The following P3H2 variants were observed in gnomAD, a reference collection of about 807,000 sequenced individuals.
P3H2 encodes the protein prolyl 3-hydroxylase 2.
P3H2 carries 80 observed loss-of-function variants against 87.0 expected under a neutral mutation model. The observed-to-expected ratio is 0.92, with a 90% CI of 0.77 to 1.11. The LOEUF (loss-of-function observed/expected upper bound fraction) is 1.11, where lower values mean the gene tolerates loss of function less well. Ranked by LOEUF, P3H2 falls within the 50% of genes least tolerant of loss-of-function variation. The pLI, the probability that P3H2 is intolerant of heterozygous loss-of-function variation, is 0.00. For synonymous variants in P3H2, 367 were observed against 359.3 expected (o/e 1.02, Z -0.24); for missense variants, 1,001 against 923.9 (o/e 1.08, Z -1.08).
chr3:189,972,799 T>G, intron 11 of P3H2, 75 bp downstream of exon 11: 240 of 1,485,374 alleles, frequency 1.6e-4, no homozygotes, highest in Non-Finnish European at 2.1e-4. Context: ...ACCATGCTGT[T>G]GAGCTTTGTT....
chr3:190,055,427 C>T (rs754701953), intron 1 of P3H2, among the ~76,000 whole-genome samples: 4 of 151,604 alleles, frequency 2.6e-5, no homozygotes, highest in East Asian at 3.9e-4. Flanking sequence ...AAAAGAATCA[C>T]CATAACAAAA....
rs187329569 is a variant in P3H2, at chr3:190,013,532, G to A, written c.481-18090C>T. On this transcript the variant is annotated intron_variant, in intron 1 of 14. Transcript: ENST00000319332. ...GATGGATACATCTGTGGAAGGACAA[G>A]TGGATGTGTCTTCCTGCCACATAGG... 2.7e-3 allele frequency among the ~76,000 whole-genome samples: 416 copies of A among 152,350 alleles called. 2 individuals are homozygous for A. Among genetic ancestry groups the A allele is most frequent in the South Asian group, 0.014 (68 of 4,826 alleles).
intron 1 of P3H2, among the ~76,000 whole-genome samples, chr3:190,084,950 CAA>C (rs200109023): frequency 7.5e-6 from 1 of 133,116 alleles, no homozygotes; most frequent in African/African-American, 2.9e-5. Context: ...GAGAAACAAA[CAA>C]AAAAAAAAAA....
At chr3:190,085,516 A>C (rs900107788) in intron 1 of P3H2, among the ~76,000 whole-genome samples, 3 of 152,236 alleles carry the variant, frequency 2.0e-5, no homozygotes, top group African/African-American at 7.2e-5. Context: ...GCAGCTCCAC[A>C]CAGTCTGATC....
intron 1 of P3H2, among the ~76,000 whole-genome samples, chr3:190,087,239 T>A (rs1727245034): frequency 6.6e-6 from 1 of 152,098 alleles, no homozygotes; most frequent in Admixed American, 6.6e-5. Flanking sequence ...TCTGCTTTAA[T>A]AAAATACCAT....
At chr3:190,040,139 C>A (rs977064116) in intron 1 of P3H2, among the ~76,000 whole-genome samples, 1 of 152,122 alleles carries the variant, frequency 6.6e-6, no homozygotes, top group Non-Finnish European at 1.5e-5. Context: ...CACACACACA[C>A]AAAAAACCCG....
chr3:190,012,558 TCA>T (rs1724628119), intron 1 of P3H2, among the ~76,000 whole-genome samples: 1 of 152,216 alleles, frequency 6.6e-6, no homozygotes, highest in East Asian at 1.9e-4. Context: ...TCAGTTCCAC[TCA>T]GTCTCCCCTC....
At chr3:190,007,965 C>CACACATATATATATATATAT in intron 1 of P3H2, among the ~76,000 whole-genome samples, 2 of 94,338 alleles carry the variant, frequency 2.1e-5, no homozygotes, top group African/African-American at 7.8e-5. Flanking sequence ...TGTTGACACA[C>CACACATATATATATATATAT]ATATATATAT....
chr3:189,971,476 A>G (rs575120874), intron 12 of P3H2: 51 of 271,818 alleles, frequency 1.9e-4, no homozygotes, highest in Non-Finnish European at 3.1e-4. Flanking sequence ...CTAGTGTCTT[A>G]TTTATAAAAT....
intron 1 of P3H2, among the ~76,000 whole-genome samples, chr3:190,118,823 G>A (rs906574036): frequency 2.0e-5 from 3 of 151,506 alleles, no homozygotes; most frequent in Non-Finnish European, 2.9e-5. Context: ...TGGTCCAGCC[G>A]TGCTCACGCC....
intron 1 of P3H2, among the ~76,000 whole-genome samples, chr3:190,009,218 G>A (rs951223091): frequency 6.6e-6 from 1 of 152,176 alleles, no homozygotes; most frequent in Non-Finnish European, 1.5e-5. Flanking sequence ...ATGCCAAAGT[G>A]GGGTGGGGTT....
chr3:189,968,195 T>A (rs1261887651), intron 13 of P3H2, among the ~76,000 whole-genome samples: 1 of 152,214 alleles, frequency 6.6e-6, no homozygotes, highest in South Asian at 2.1e-4. Context: ...ACATGTGCCA[T>A]GGTGGTTTGC....
intron 1 of P3H2, among the ~76,000 whole-genome samples, chr3:190,112,086 A>C (rs971700224): frequency 6.6e-6 from 1 of 152,162 alleles, no homozygotes; most frequent in Non-Finnish European, 1.5e-5. Flanking sequence ...CGCCATTTGA[A>C]ATCCTCTATA....
chr3:189,956,801 A>C lies in P3H2; in HGVS notation c.*1111T>G. The C allele has an allele frequency of 4.0e-6, 1 of 250,770 alleles. No individual in the cohort carries two copies. The highest frequency in any genetic ancestry group is 7.5e-6 in the Non-Finnish European group (1 of 132,942). The allele number at this position is 250,770 out of a possible 1,614,324, so 15.5% of individuals were successfully genotyped here. On this transcript the variant is annotated 3_prime_UTR_variant, in exon 15 of 15. Coordinates refer to ENST00000319332, the MANE Select transcript of P3H2 (RefSeq NM_018192.4). Reference sequence around the variant, plus strand: ...TGTGTGCTGGATAGCAGCAATGAGGAGGGGCCCCCAAAATATAAGCAGATG... The same window carrying C: ...TGTGTGCTGGATAGCAGCAATGAGGCGGGGCCCCCAAAATATAAGCAGATG...
intron 1 of P3H2, among the ~76,000 whole-genome samples, chr3:190,075,838 T>A (rs1726855292): frequency 6.6e-6 from 1 of 152,190 alleles, no homozygotes; most frequent in African/African-American, 2.4e-5. Context: ...CACATCTGTG[T>A]CTACAGAGGA....
chr3:190,030,499 T>C (rs1725219581), intron 1 of P3H2, among the ~76,000 whole-genome samples: 1 of 152,164 alleles, frequency 6.6e-6, no homozygotes, highest in Non-Finnish European at 1.5e-5. Flanking sequence ...AAGGCTGCAG[T>C]GAGCTATAAT....
intron 3 of P3H2, among the ~76,000 whole-genome samples, chr3:189,989,916 G>A (rs542667191): frequency 4.2e-4 from 64 of 152,230 alleles, no homozygotes; most frequent in Non-Finnish European, 7.9e-4. Flanking sequence ...TGCCTCCTAC[G>A]TTTCACCTTG....
At chr3:189,989,568 C>T (rs1019420970) in intron 3 of P3H2, among the ~76,000 whole-genome samples, 1 of 152,120 alleles carries the variant, frequency 6.6e-6, no homozygotes, top group African/African-American at 2.4e-5. Flanking sequence ...GCCAAATTGT[C>T]CTAAAAGAGA....
At chr3:189,974,773 C>T (rs753172970) in intron 8 of P3H2, 88 bp from the exon 9 acceptor site, 4 of 1,501,604 alleles carry the variant, frequency 2.7e-6, no homozygotes, top group East Asian at 2.3e-5. Context: ...ATGTGCAATT[C>T]GAGTGAGTCC....
Sources: gnomAD v4.1 joint callset for allele counts (sites outside exome capture counted in the v4.1 genomes callset) on GRCh38, gnomAD v4.1.1 for gene constraint, MANE v1.5 for transcripts, NCBI Gene and HGNC (gene_info 2026-07-23, HGNC 2026-07-21) for gene names.